Variants in IL1RAP observed in about 807,000 individuals in gnomAD.
The protein encoded by IL1RAP is interleukin 1 receptor accessory protein.
A neutral mutation model predicts 60.7 loss-of-function variants in IL1RAP; 35 were observed. The observed-to-expected ratio is 0.58, with a 90% CI of 0.44 to 0.76. IL1RAP has a LOEUF of 0.76. Ranked by LOEUF, IL1RAP falls within the 30% of genes least tolerant of loss-of-function variation. The pLI, the probability that IL1RAP is intolerant of heterozygous loss-of-function variation, is 0.00. For synonymous variants in IL1RAP, 268 were observed against 250.9 expected, an observed-to-expected ratio of 1.07 and a Z score of -0.64; for missense variants, 572 against 693.9, an observed-to-expected ratio of 0.82 and a Z score of 1.97.
At chr3:190,646,063 A>G (rs1048415011) in intron 11 of IL1RAP, among the ~76,000 whole-genome samples, 5 of 152,236 alleles carry the variant, frequency 3.3e-5, no homozygotes, top group Non-Finnish European at 7.3e-5. Context: ...TCTTTCAGAG[A>G]TGCATGTCAG....
At chr3:190,656,507 A>C, downstream of IL1RAP, 1 of 1,537,316 alleles carries the variant, frequency 6.5e-7, no homozygotes, top group Non-Finnish European at 8.7e-7. Context: ...CAATGGATAC[A>C]AAATGGCACC....
chr3:190,606,469 T>A (rs1414696093), intron 4 of IL1RAP, among the ~76,000 whole-genome samples: 1 of 152,236 alleles, frequency 6.6e-6, no homozygotes, highest in Admixed American at 6.5e-5. Context: ...CGGGAAGAAG[T>A]CATCAGGAGC....
intron 11 of IL1RAP, among the ~76,000 whole-genome samples, 162 bp downstream of exon 11, chr3:190,646,004 TG>T (rs1275616630): frequency 1.3e-5 from 2 of 152,206 alleles, no homozygotes; most frequent in Non-Finnish European, 2.9e-5. Context: ...ACGTTGGAAA[TG>T]TATACTATTC....
intron 1 of IL1RAP, among the ~76,000 whole-genome samples, chr3:190,527,502 C>A (rs1467822290): frequency 6.6e-6 from 1 of 152,092 alleles, no homozygotes; most frequent in Non-Finnish European, 1.5e-5. Context: ...AGGGACCTCC[C>A]CTGCAGTGAA....
chr3:190,629,135 C>G (rs1026290332), intron 8 of IL1RAP, among the ~76,000 whole-genome samples: 1 of 152,168 alleles, frequency 6.6e-6, no homozygotes, highest in Non-Finnish European at 1.5e-5. Context: ...TTGGTCTAGA[C>G]AATGGGATAG....
At chr3:190,595,625 G>A (rs1300448306) in intron 3 of IL1RAP, among the ~76,000 whole-genome samples, 1 of 152,162 alleles carries the variant, frequency 6.6e-6, no homozygotes, top group Non-Finnish European at 1.5e-5. Context: ...CTCAGGCTTA[G>A]ATAGGACTAC....
At chr3:190,557,717 TTA>T (rs143347574) in intron 2 of IL1RAP, among the ~76,000 whole-genome samples, 1,858 of 152,316 alleles carry the variant, frequency 0.012, 40 homozygotes, top group African/African-American at 0.043. Context: ...ACACCTTTCT[TTA>T]AACTGTCAAA....
chr3:190,605,046 T>G (rs73060199), intron 4 of IL1RAP, among the ~76,000 whole-genome samples: 11,525 of 152,192 alleles, frequency 0.076, 821 homozygotes, highest in African/African-American at 0.19. Context: ...GCCTTTTCAG[T>G]TACAATTTCC....
At position 190,650,558 on chromosome 3, in the gene IL1RAP, T is replaced by G. The variant is rs1301800563; in HGVS notation, c.*1853T>G. The G allele has an allele frequency of 1.1e-6, 1 of 934,100 alleles. No individual in the cohort carries two copies. Among genetic ancestry groups the G allele is most frequent in the African/African-American group, 1.8e-5 (1 of 56,286 alleles). The allele number at this position is 934,100 out of a possible 1,614,324, so 57.9% of individuals were successfully genotyped here. On this transcript the variant is annotated 3_prime_UTR_variant, in exon 12 of 12. Transcript: ENST00000447382. ...TAAGAAAGCCCTTATCCCGGTAACA[T>G]GAATGTTGATGAACAAATGTAAAAT... is the stretch of plus-strand genomic sequence containing the variant.
At chr3:190,524,339 G>A (rs1722331015) in intron 1 of IL1RAP, among the ~76,000 whole-genome samples, 1 of 151,996 alleles carries the variant, frequency 6.6e-6, no homozygotes, top group South Asian at 2.1e-4. Context: ...CTTTTGTTGT[G>A]CACAAGCTCT....
chr3:190,629,207 G>A (rs563551141), intron 8 of IL1RAP, 143 bp from the exon 9 acceptor site: 2 of 586,544 alleles, frequency 3.4e-6, no homozygotes, highest in East Asian at 2.8e-5. Flanking sequence ...TGTAATCACT[G>A]CATTATAGGT....
chr3:190,516,854 A>T (rs1176770499), intron 1 of IL1RAP, among the ~76,000 whole-genome samples: 1 of 152,270 alleles, frequency 6.6e-6, no homozygotes, highest in Non-Finnish European at 1.5e-5. Flanking sequence ...CAATTTATTT[A>T]GAACATAACT....
At chr3:190,614,786 T>C (rs1731117559) in intron 5 of IL1RAP, among the ~76,000 whole-genome samples, 1 of 152,158 alleles carries the variant, frequency 6.6e-6, no homozygotes, top group South Asian at 2.1e-4. Context: ...ACAAAAACTC[T>C]ACTCTCTAGA....
intron 2 of IL1RAP, among the ~76,000 whole-genome samples, chr3:190,558,120 T>C (rs774012923): frequency 2.0e-5 from 3 of 152,238 alleles, no homozygotes; most frequent in Admixed American, 6.5e-5. Context: ...ATAATGCTCA[T>C]TGCTTAGTAT....
At chr3:190,632,651 G>A (rs1388603657) in intron 9 of IL1RAP, among the ~76,000 whole-genome samples, 4 of 152,146 alleles carry the variant, frequency 2.6e-5, no homozygotes, top group Non-Finnish European at 4.4e-5. Flanking sequence ...TTCAGTATTA[G>A]CAATCTTTGC....
intron 9 of IL1RAP, among the ~76,000 whole-genome samples, chr3:190,640,249 A>C (rs1020335668): frequency 1.3e-5 from 2 of 152,076 alleles, no homozygotes; most frequent in African/African-American, 4.8e-5. Context: ...CGTAGCATTT[A>C]CCTCTTTTTT....
intron 1 of IL1RAP, among the ~76,000 whole-genome samples, chr3:190,530,540 C>G (rs1722898668): frequency 6.6e-6 from 1 of 152,156 alleles, no homozygotes. Context: ...GTGATTTCAC[C>G]TATGGCTGCT....
intron 10 of IL1RAP, 74 bp downstream of exon 10, chr3:190,644,471 AG>A (rs1733872539): frequency 5.0e-6 from 6 of 1,205,686 alleles, no homozygotes; most frequent in Admixed American, 2.2e-5. Context: ...AAAAGAAAAA[AG>A]AAAACATGTT....
chr3:190,580,573 T>C (rs1244854130), intron 3 of IL1RAP, among the ~76,000 whole-genome samples: 2 of 152,150 alleles, frequency 1.3e-5, no homozygotes, highest in African/African-American at 4.8e-5. Flanking sequence ...ATGATGCTAT[T>C]TACATGAGGA....
Sources: allele counts gnomAD v4.1 joint callset (sites outside exome capture counted in the v4.1 genomes callset), GRCh38; gene constraint gnomAD v4.1.1; transcripts MANE v1.5; gene names NCBI Gene and HGNC (gene_info 2026-07-23, HGNC 2026-07-21).